Variants in TNFAIP8 observed in about 807,000 individuals in gnomAD.
TNFAIP8 encodes tumor necrosis factor alpha-induced protein 8.
TNFAIP8 carries 7 observed loss-of-function variants against 13.3 expected under a neutral mutation model. The observed-to-expected ratio is 0.52, with a 90% CI of 0.30 to 0.99. The LOEUF is 0.99. Among genes scored for constraint, TNFAIP8 ranks in the 50% least tolerant of loss-of-function variants. The pLI is 0.07. For missense variants in TNFAIP8, 258 were observed against 236.9 expected, an observed-to-expected ratio of 1.09 and a Z score of -0.58; for synonymous variants, 94 against 87.6, an observed-to-expected ratio of 1.07 and a Z score of -0.41.
Position 119,366,781 on chromosome 5 carries a change from A to C in TNFAIP8, c.31+10660A>C, listed in dbSNP as rs118028087. 1.1e-4 allele frequency among the ~76,000 whole-genome samples: 17 copies of C among 152,308 alleles called. No homozygotes were observed. The East Asian group carries it at 3.3e-3, about 29-fold the overall frequency. On this transcript the variant is annotated intron_variant, in intron 1 of 1. Coordinates refer to ENST00000504771, the MANE Select transcript of TNFAIP8 (RefSeq NM_014350.4). ...TTTCAGGCAGAGGATTTTTAGGGGT[A>C]GAACTGGTTTAAATTATTTGGCTTA...
At chr5:119,347,253 A>C (rs1004277165) in intron 1 of TNFAIP8, among the ~76,000 whole-genome samples, 20 of 152,210 alleles carry the variant, frequency 1.3e-4, no homozygotes, top group African/African-American at 4.8e-4. Flanking sequence ...GCTCCTTCTC[A>C]TGCTTACTCT....
At chr5:119,360,068 G>C (rs944846842) in intron 1 of TNFAIP8, among the ~76,000 whole-genome samples, 1 of 152,172 alleles carries the variant, frequency 6.6e-6, no homozygotes, top group African/African-American at 2.4e-5. Flanking sequence ...AATGCATTTG[G>C]AGCTTTTTTC....
chr5:119,294,694 C>G (rs920744644), intron 1 of TNFAIP8, among the ~76,000 whole-genome samples: 22 of 152,174 alleles, frequency 1.4e-4, no homozygotes, highest in Non-Finnish European at 2.8e-4. Flanking sequence ...ACATCCTCTC[C>G]AGCACCTGTT....
chr5:119,385,069 C>G (rs1349893799), intron 1 of TNFAIP8, among the ~76,000 whole-genome samples: 1 of 152,152 alleles, frequency 6.6e-6, no homozygotes, highest in African/African-American at 2.4e-5. Context: ...TTCTTGTCCA[C>G]GAATTTGGCA....
At chr5:119,326,173 A>T (rs1750219448) in intron 1 of TNFAIP8, among the ~76,000 whole-genome samples, 1 of 152,196 alleles carries the variant, frequency 6.6e-6, no homozygotes, top group South Asian at 2.1e-4. Flanking sequence ...GAATGAAGAA[A>T]TCACCCTGTC....
In TNFAIP8 at chr5:119,381,036, G is replaced by A. The variant is rs1318526453; in HGVS notation, c.32-11780G>A. Among the ~76,000 whole-genome samples, 5 of 152,292 alleles carry A rather than the reference G, an allele frequency of 3.3e-5. 1 individual carries two copies. The highest frequency in any genetic ancestry group is 3.3e-4 in the Admixed American group (5 of 15,304). ...TCTAGGAGTACAGCTCAGAGCAGGC[G>A]TGTTCCAACTTTACTATATATCAGA... On this transcript the variant is annotated intron_variant, in intron 1 of 1. Coordinates refer to ENST00000504771, the MANE Select transcript of TNFAIP8 (RefSeq NM_014350.4).
intron 1 of TNFAIP8, among the ~76,000 whole-genome samples, chr5:119,384,192 TA>T (rs1436922613): frequency 6.6e-6 from 1 of 152,144 alleles, no homozygotes; most frequent in Non-Finnish European, 1.5e-5. Flanking sequence ...AAAGCTTCAG[TA>T]AGATAACGTG....
At chr5:119,310,446 C>G (rs1749694656) in intron 1 of TNFAIP8, among the ~76,000 whole-genome samples, 1 of 151,468 alleles carries the variant, frequency 6.6e-6, no homozygotes, top group African/African-American at 2.4e-5. Context: ...CAGGGCACCT[C>G]TCACGGTAGG....
At chr5:119,389,331 A>C (rs1336598873) in intron 1 of TNFAIP8, among the ~76,000 whole-genome samples, 1 of 152,190 alleles carries the variant, frequency 6.6e-6, no homozygotes, top group Non-Finnish European at 1.5e-5. Flanking sequence ...TCCAGAAAAG[A>C]GGTCAGGGCT....
intron 1 of TNFAIP8, among the ~76,000 whole-genome samples, chr5:119,283,157 A>G (rs1748685651): frequency 6.6e-6 from 1 of 152,234 alleles, no homozygotes; most frequent in African/African-American, 2.4e-5. Context: ...GACCTGCACT[A>G]GTTCAGCAAG....
In TNFAIP8 at chr5:119,398,179, G is replaced by A. The variant is rs1753118043; in HGVS notation, c.*4798G>A. 6.6e-6 allele frequency: 1 copy of A among 152,198 alleles called. No homozygotes were observed. Among genetic ancestry groups the A allele is most frequent in the African/African-American group, 2.4e-5 (1 of 41,454 alleles). The allele number at this position is 152,198 out of a possible 1,614,324, so 9.4% of individuals were successfully genotyped here. ...TTATCTTTCTTCATGGATGGCTGAG[G>A]AAATTCTCCGCCTTCCCTGACATCA... On this transcript the variant is annotated 3_prime_UTR_variant, in exon 2 of 2. Coordinates refer to ENST00000504771, the MANE Select transcript of TNFAIP8 (RefSeq NM_014350.4).
intron 1 of TNFAIP8, among the ~76,000 whole-genome samples, chr5:119,385,952 T>C (rs1509144): frequency 0.76 from 116,233 of 152,164 alleles, 45,348 homozygotes; most frequent in African/African-American, 0.94. Flanking sequence ...TCATTGTACT[T>C]ATCTTACAGA....
At chr5:119,292,453 G>A (rs1164104548) in intron 1 of TNFAIP8, among the ~76,000 whole-genome samples, 1 of 150,946 alleles carries the variant, frequency 6.6e-6, no homozygotes, top group African/African-American at 2.4e-5. Flanking sequence ...ATATCATATG[G>A]TATTTTGTTA....
intron 1 of TNFAIP8, among the ~76,000 whole-genome samples, chr5:119,344,256 G>C (rs1278082086): frequency 6.6e-6 from 1 of 152,208 alleles, no homozygotes; most frequent in Non-Finnish European, 1.5e-5. Flanking sequence ...AGGAGCAGAT[G>C]TGTCACACAG....
intron 1 of TNFAIP8, among the ~76,000 whole-genome samples, chr5:119,364,200 T>A (rs1429039611): frequency 3.3e-5 from 5 of 152,152 alleles, no homozygotes; most frequent in African/African-American, 1.2e-4. Context: ...CATTCCCCAT[T>A]CTGGTTTATG....
intron 1 of TNFAIP8, among the ~76,000 whole-genome samples, chr5:119,305,925 G>A (rs149668935): frequency 2.2e-3 from 340 of 152,286 alleles, no homozygotes; most frequent in African/African-American, 7.8e-3. Context: ...CCACTTACCT[G>A]TGCCGTGCAC....
chr5:119,339,624 C>T (rs3813302), intron 1 of TNFAIP8, among the ~76,000 whole-genome samples: 5,117 of 152,076 alleles, frequency 0.034, 203 homozygotes, highest in African/African-American at 0.098. Context: ...AGTAGCACTG[C>T]AGATCACAAA....
chr5:119,355,431 C>T (rs944935365), upstream of TNFAIP8: 5 of 697,254 alleles, frequency 7.2e-6, no homozygotes, highest in African/African-American at 7.0e-5. Context: ...CAAAAGGCCC[C>T]GCTCTGGGAC....
At chr5:119,292,685 T>TATATATATATAC (rs1470227218) in intron 1 of TNFAIP8, among the ~76,000 whole-genome samples, 4 of 52,334 alleles carry the variant, frequency 7.6e-5, no homozygotes, top group African/African-American at 2.1e-4. Context: ...TATATATATA[T>TATATATATATAC]ACACACACAC....
Sources: allele counts gnomAD v4.1 joint callset (sites outside exome capture counted in the v4.1 genomes callset), GRCh38; gene constraint gnomAD v4.1.1; transcripts MANE v1.5; gene names NCBI Gene and HGNC (gene_info 2026-07-23, HGNC 2026-07-21).